Variants in SLC8A1 observed in about 807,000 individuals in gnomAD.
The protein encoded by SLC8A1 is solute carrier family 8 member A1, also known as sodium/calcium exchanger 1.
Under a neutral mutation model 68.3 loss-of-function variants are expected in SLC8A1, and 18 were observed. The observed-to-expected ratio is 0.26, with a 90% confidence interval of 0.18 to 0.39. The LOEUF (loss-of-function observed/expected upper bound fraction) is 0.39. Ranked by LOEUF, SLC8A1 falls within the 10% of genes least tolerant of loss-of-function variation. The pLI is 1.00. For synonymous variants in SLC8A1, 475 were observed against 415.5 expected (o/e 1.14, Z -1.74); for missense variants, 985 against 1,156.7 (o/e 0.85, Z 2.15).
At chr2:40,393,880 C>CTAT (rs1379528447) in intron 2 of SLC8A1, among the ~76,000 whole-genome samples, 2 of 152,056 alleles carry the variant, frequency 1.3e-5, no homozygotes, top group Non-Finnish European at 2.9e-5. Context: ...ATTTTTATGC[C>CTAT]TATTACCCTT....
At chr2:40,293,480 C>T (rs1270104561) in intron 2 of SLC8A1, among the ~76,000 whole-genome samples, 2 of 152,120 alleles carry the variant, frequency 1.3e-5, no homozygotes, top group East Asian at 1.9e-4. Context: ...GTATACTAGT[C>T]ACTGGAAGTT....
At chr2:40,154,602 C>G (rs1006059244) in intron 6 of SLC8A1, among the ~76,000 whole-genome samples, 2 of 150,248 alleles carry the variant, frequency 1.3e-5, no homozygotes, top group Admixed American at 6.7e-5. Context: ...ATTGGGATTA[C>G]AGGTGTGAGC....
intron 2 of SLC8A1, among the ~76,000 whole-genome samples, chr2:40,336,564 G>C (rs1666047390): frequency 6.6e-6 from 1 of 152,080 alleles, no homozygotes; most frequent in African/African-American, 2.4e-5. Context: ...ATCCCTTAGG[G>C]AAGTTATCTA....
At chr2:40,199,303 T>C (rs922931806) in intron 2 of SLC8A1, among the ~76,000 whole-genome samples, 1 of 151,774 alleles carries the variant, frequency 6.6e-6, no homozygotes. Context: ...GAATCAATGT[T>C]GGATCACTGG....
intron 2 of SLC8A1, among the ~76,000 whole-genome samples, chr2:40,204,557 A>G (rs887500280): frequency 3.4e-4 from 52 of 152,120 alleles, no homozygotes; most frequent in Middle Eastern, 3.4e-3. Context: ...CAGTAAGAGA[A>G]CATGGATTAG....
At chr2:40,346,761 C>T (rs563779158) in intron 2 of SLC8A1, among the ~76,000 whole-genome samples, 1 of 152,118 alleles carries the variant, frequency 6.6e-6, no homozygotes, top group South Asian at 2.1e-4. Context: ...CCAAAATTTA[C>T]AGAGAATAAA....
chr2:40,109,677 A>G (rs1196964935), exon 8 of SLC8A1: 1 of 152,198 alleles, frequency 6.6e-6, no homozygotes, highest in Non-Finnish European at 1.5e-5. Context: ...AGTTGGATAT[A>G]ATGGGAGTAG....
intron 2 of SLC8A1, among the ~76,000 whole-genome samples, chr2:40,331,591 TTTTATG>T (rs959797671): frequency 5.9e-5 from 9 of 152,090 alleles, no homozygotes; most frequent in Non-Finnish European, 1.2e-4. Flanking sequence ...ATTTATTTTA[TTTTATG>T]TTTATTTTTT....
intron 1 of SLC8A1, among the ~76,000 whole-genome samples, chr2:40,450,441 C>T (rs1296660088): frequency 6.6e-6 from 1 of 152,106 alleles, no homozygotes; most frequent in Admixed American, 6.6e-5. Context: ...GTGGCTCCCT[C>T]TTTCCCTTGG....
At chr2:40,413,743 A>G (rs1221807623) in intron 2 of SLC8A1, among the ~76,000 whole-genome samples, 1 of 152,220 alleles carries the variant, frequency 6.6e-6, no homozygotes, top group Non-Finnish European at 1.5e-5. Flanking sequence ...ACAGAAGTAT[A>G]AGACATGCCA....
intron 7 of SLC8A1, among the ~76,000 whole-genome samples, chr2:40,131,615 C>A (rs1186558552): frequency 6.6e-6 from 1 of 152,160 alleles, no homozygotes; most frequent in Non-Finnish European, 1.5e-5. Context: ...GGTTCCCACT[C>A]CTACTTCTGC....
intron 2 of SLC8A1, among the ~76,000 whole-genome samples, chr2:40,332,453 C>T (rs897202300): frequency 2.0e-5 from 3 of 151,910 alleles, no homozygotes; most frequent in Non-Finnish European, 4.4e-5. Flanking sequence ...GGCGGTGTTT[C>T]CCCTTACTTA....
chr2:40,373,173 T>TGTC (rs1678712695), intron 2 of SLC8A1, among the ~76,000 whole-genome samples: 1 of 13,894 alleles, frequency 7.2e-5, no homozygotes, highest in Non-Finnish European at 1.3e-4. Flanking sequence ...CCAGGTTTTG[T>TGTC]GTTGTAATAT....
At chr2:40,149,740 A>G (rs1489920682) in intron 6 of SLC8A1, among the ~76,000 whole-genome samples, 1 of 152,178 alleles carries the variant, frequency 6.6e-6, no homozygotes, top group Non-Finnish European at 1.5e-5. Flanking sequence ...TGTGGGGCTT[A>G]TGTGGATATA....
At chr2:40,368,655 G>C (rs1026466354) in intron 2 of SLC8A1, among the ~76,000 whole-genome samples, 2 of 151,994 alleles carry the variant, frequency 1.3e-5, no homozygotes, top group Non-Finnish European at 1.5e-5. Context: ...GTAAACTTGT[G>C]TCATGGGGGT....
intron 3 of SLC8A1, among the ~76,000 whole-genome samples, chr2:40,176,146 G>A (rs772088727): frequency 6.6e-6 from 1 of 152,076 alleles, no homozygotes; most frequent in Non-Finnish European, 1.5e-5. Flanking sequence ...TATTTCCTGA[G>A]TTGAAGACGG....
intron 2 of SLC8A1, among the ~76,000 whole-genome samples, chr2:40,242,962 T>C (rs2061406589): frequency 6.6e-6 from 1 of 152,210 alleles, no homozygotes; most frequent in South Asian, 2.1e-4. Context: ...ATTATTTTCC[T>C]AAATCTGAGA....
At chr2:40,391,640 A>C (rs771879543) in intron 2 of SLC8A1, among the ~76,000 whole-genome samples, 1 of 152,078 alleles carries the variant, frequency 6.6e-6, no homozygotes, top group Non-Finnish European at 1.5e-5. Flanking sequence ...TTCTGAGACT[A>C]GAAGAGCCCC....
At position 40,184,977 on chromosome 2, in the gene SLC8A1, T is replaced by C. The variant is rs932567151; in HGVS notation, c.1809-7122A>G. 2.9e-5 allele frequency among the ~76,000 whole-genome samples: 4 copies of C among 138,902 alleles called. No individual in the cohort carries two copies. The East Asian group carries it at 6.7e-4, about 23-fold the overall frequency. 91.1% of individuals were successfully genotyped at this position (138,902 alleles called of 152,430 possible). A position where few individuals can be genotyped will look rare whatever the true frequency, so the allele number is the denominator to read the frequency against. On this transcript the variant is annotated intron_variant, in intron 2 of 7. Transcript: ENST00000406785. ...CTGAATGGCATTTCTCCACAGAAGA[T>C]AAACAAATGGCCAATAAGTACATAA...
Sources: allele counts gnomAD v4.1 joint callset (sites outside exome capture counted in the v4.1 genomes callset), GRCh38; gene constraint gnomAD v4.1.1; transcripts MANE v1.5; gene names NCBI Gene and HGNC (gene_info 2026-07-23, HGNC 2026-07-21).